Variants in CTNNBL1 observed in about 807,000 individuals in gnomAD.
CTNNBL1 encodes beta-catenin-like protein 1.
In CTNNBL1, 31 loss-of-function variants were observed where a neutral mutation model predicts 72.7. That is an observed-to-expected ratio of 0.43 (90% CI 0.32 to 0.58). The LOEUF is 0.58. Ranked by LOEUF, CTNNBL1 falls within the 20% of genes least tolerant of loss-of-function variation. The probability of loss-of-function intolerance (pLI) is 0.08; values close to 1 mark genes in which losing one functional copy is unlikely to be tolerated. For synonymous variants in CTNNBL1, 240 were observed against 267.3 expected (o/e 0.90, Z 1.00); for missense variants, 534 against 725.1 (o/e 0.74, Z 3.03).
At chr20:37,824,219 C>CA (rs2072137834) in intron 11 of CTNNBL1, among the ~76,000 whole-genome samples, 1 of 152,196 alleles carries the variant, frequency 6.6e-6, no homozygotes, top group African/African-American at 2.4e-5. Context: ...AGCATACTGC[C>CA]ATTACAAGGA....
At chr20:37,727,121 C>T (rs779222998) in intron 1 of CTNNBL1, among the ~76,000 whole-genome samples, 2 of 151,972 alleles carry the variant, frequency 1.3e-5, no homozygotes, top group Admixed American at 6.6e-5. Flanking sequence ...GTTCCCACAG[C>T]CCCTCATTAT....
chr20:37,768,422 T>C (rs2073491053), intron 7 of CTNNBL1, among the ~76,000 whole-genome samples: 1 of 152,238 alleles, frequency 6.6e-6, no homozygotes, highest in South Asian at 2.1e-4. Context: ...AACAGAATTA[T>C]GTAATATTTT....
At position 37,779,189 on chromosome 20, in the gene CTNNBL1, G is replaced by A. The variant is rs1486869648; in HGVS notation, c.885G>A (p.Val295=). ...TTTGTGCTGTTTTTGCTTGACAGGTGTTTAAAAGACACAATCCCAGCACGG... is the reference window on the plus strand; with the variant it reads ...TTTGTGCTGTTTTTGCTTGACAGGTATTTAAAAGACACAATCCCAGCACGG... ...GIDVLLQQLS[V]FKRHNPSTAE... Residue 295 remains valine, a splice_region_variant and synonymous_variant, in exon 10 of 16, where the codon GTG becomes GTA. Coordinates refer to ENST00000361383, the MANE Select transcript of CTNNBL1 (RefSeq NM_030877.5). The A allele has an allele frequency of 6.2e-7, 1 of 1,612,810 alleles. No individual in the cohort carries two copies. Among genetic ancestry groups the A allele is most frequent in the East Asian group, 2.2e-5 (1 of 44,890 alleles).
At chr20:37,731,950 T>C (rs1392494369) in intron 1 of CTNNBL1, among the ~76,000 whole-genome samples, 1 of 152,224 alleles carries the variant, frequency 6.6e-6, no homozygotes, top group Non-Finnish European at 1.5e-5. Flanking sequence ...TGCTGGATCA[T>C]ATGATAATTC....
chr20:37,751,950 G>T (rs1352823728), intron 4 of CTNNBL1, among the ~76,000 whole-genome samples: 1 of 152,212 alleles, frequency 6.6e-6, no homozygotes, highest in Non-Finnish European at 1.5e-5. Context: ...TCCTTGATAT[G>T]TATTGATAAG....
intron 5 of CTNNBL1, among the ~76,000 whole-genome samples, chr20:37,758,688 A>G (rs2073386788): frequency 6.6e-6 from 1 of 152,154 alleles, no homozygotes; most frequent in Non-Finnish European, 1.5e-5. Flanking sequence ...TCCCTCCTCA[A>G]GGCTCTGTGG....
chr20:37,864,615 A>T (rs1197085770), intron 15 of CTNNBL1, among the ~76,000 whole-genome samples: 1 of 152,208 alleles, frequency 6.6e-6, no homozygotes, highest in Non-Finnish European at 1.5e-5. Context: ...CAGAACCAGC[A>T]GCAGCTCTGG....
At chr20:37,831,458 T>C (rs1048385895) in intron 11 of CTNNBL1, among the ~76,000 whole-genome samples, 1 of 151,902 alleles carries the variant, frequency 6.6e-6, no homozygotes, top group African/African-American at 2.4e-5. Context: ...CTCCACCTCC[T>C]GGGTTCACGC....
intron 1 of CTNNBL1, among the ~76,000 whole-genome samples, chr20:37,695,671 C>T (rs1285208714): frequency 6.6e-6 from 1 of 152,204 alleles, no homozygotes; most frequent in Non-Finnish European, 1.5e-5. Flanking sequence ...TGCTGGCAGT[C>T]TCTGTTTTGC....
intron 13 of CTNNBL1, among the ~76,000 whole-genome samples, chr20:37,843,595 T>C (rs2072322819): frequency 1.3e-5 from 2 of 152,228 alleles, no homozygotes; most frequent in Non-Finnish European, 2.9e-5. Flanking sequence ...GCTGCACCTC[T>C]ATCTAGAAGA....
At chr20:37,840,276 C>G in intron 12 of CTNNBL1, 77 bp downstream of exon 12, 5 of 1,109,532 alleles carry the variant, frequency 4.5e-6, no homozygotes, top group Non-Finnish European at 6.8e-6. Flanking sequence ...CTGAGGGATA[C>G]TGGGTTGAGT....
intron 1 of CTNNBL1, among the ~76,000 whole-genome samples, chr20:37,721,167 A>C (rs570631020): frequency 6.6e-6 from 1 of 152,242 alleles, no homozygotes; most frequent in East Asian, 1.9e-4. Context: ...GGATTCCATT[A>C]TTGATTTTTC....
At chr20:37,754,953 A>G (rs1243610378) in intron 4 of CTNNBL1, among the ~76,000 whole-genome samples, 1 of 151,866 alleles carries the variant, frequency 6.6e-6, no homozygotes, top group Non-Finnish European at 1.5e-5. Context: ...GATTACAGGC[A>G]TGTGCCACCA....
intron 3 of CTNNBL1, among the ~76,000 whole-genome samples, chr20:37,745,982 A>G (rs1016232652): frequency 2.6e-5 from 4 of 152,212 alleles, no homozygotes; most frequent in Admixed American, 6.5e-5. Context: ...AATCAGCTCC[A>G]AAGAGGAGGA....
At chr20:37,848,868 C>T (rs1296109858) in intron 13 of CTNNBL1, among the ~76,000 whole-genome samples, 1 of 151,734 alleles carries the variant, frequency 6.6e-6, no homozygotes, top group African/African-American at 2.4e-5. Context: ...CCTCCCAAAT[C>T]TCTGCAGACT....
chr20:37,706,680 G>A (rs2072888607), intron 1 of CTNNBL1, among the ~76,000 whole-genome samples: 1 of 152,134 alleles, frequency 6.6e-6, no homozygotes, highest in South Asian at 2.1e-4. Context: ...CTAAACTCCT[G>A]TTAATGTTAA....
chr20:37,711,220 C>A (rs1600436500), intron 1 of CTNNBL1, among the ~76,000 whole-genome samples: 1 of 152,160 alleles, frequency 6.6e-6, no homozygotes, highest in East Asian at 1.9e-4. Context: ...TCTGTGAGTT[C>A]TCGTCTTATC....
rs181945630 is a variant in CTNNBL1 at position 37,806,597 on chromosome 20, G to A, written c.1213+3549G>A. ...TTTATGAGGGGAGTCAAGTGCATGC[G>A]CAATGGGTAAACATATGTAACACAT... On this transcript the variant is annotated intron_variant, in intron 11 of 15. Transcript: ENST00000361383. 4.7e-4 allele frequency among the ~76,000 whole-genome samples: 72 copies of A among 152,300 alleles called. 1 individual carries two copies. Among genetic ancestry groups the A allele is most frequent in the Non-Finnish European group, 7.4e-5 (5 of 68,018 alleles).
chr20:37,705,807 T>C (rs2072880342), intron 1 of CTNNBL1, among the ~76,000 whole-genome samples: 4 of 152,196 alleles, frequency 2.6e-5, no homozygotes, highest in Admixed American at 2.6e-4. Context: ...GGTCTGAGTC[T>C]TGTGTAGCTG....
Sources: gnomAD v4.1 joint callset for allele counts (sites outside exome capture counted in the v4.1 genomes callset) on GRCh38, gnomAD v4.1.1 for gene constraint, MANE v1.5 for transcripts, NCBI Gene and HGNC (gene_info 2026-07-23, HGNC 2026-07-21) for gene names.